ELP1: variants seen among roughly 807,000 people sequenced by gnomAD.
ELP1 encodes the protein elongator complex protein 1.
In ELP1, 131 loss-of-function variants were observed where a neutral mutation model predicts 183.2. The observed-to-expected ratio is 0.72, with a 90% confidence interval of 0.62 to 0.83. The LOEUF (loss-of-function observed/expected upper bound fraction) is 0.83, where lower values mean the gene tolerates loss of function less well. Ranked by LOEUF, ELP1 falls within the 40% of genes least tolerant of loss-of-function variation. The pLI, the probability that ELP1 is intolerant of heterozygous loss-of-function variation, is 0.00. For missense variants in ELP1, 1,550 were observed against 1,594.9 expected (o/e 0.97, Z 0.48); for synonymous variants, 555 against 569.0 (o/e 0.98, Z 0.35).
At chr9:108,900,824 CCA>C (rs1158252539) in intron 18 of ELP1, among the ~76,000 whole-genome samples, 16 of 104,316 alleles carry the variant, frequency 1.5e-4, no homozygotes, top group Middle Eastern at 6.4e-3. Flanking sequence ...CACATACACG[CCA>C]CACACACATA....
intron 10 of ELP1, among the ~76,000 whole-genome samples, chr9:108,913,752 T>C (rs1406826319): frequency 6.6e-6 from 1 of 152,100 alleles, no homozygotes; most frequent in Non-Finnish European, 1.5e-5. Flanking sequence ...GTTCAAGCGA[T>C]TCCCTTGTCT....
At chr9:108,909,742 CT>C (rs371353295) in intron 12 of ELP1, among the ~76,000 whole-genome samples, 13 of 152,316 alleles carry the variant, frequency 8.5e-5, no homozygotes, top group African/African-American at 2.6e-4. Context: ...CCAGGTGCCC[CT>C]GACCTATGGC....
rs184051533 is a variant in ELP1, at chr9:108,890,596, C to T, written c.3160+607G>A. ...GTACTAGAGCCCCTGGTACCAGCCT[C>T]GCCTCTGGTTCGGGCAACCCTTGTC... On this transcript the variant is annotated intron_variant, in intron 28 of 36. Transcript: ENST00000374647. 1.5e-3 allele frequency among the ~76,000 whole-genome samples: 230 copies of T among 152,308 alleles called. 4 individuals carry two copies. The highest frequency in any genetic ancestry group is 3.1e-4 in the Non-Finnish European group (21 of 68,032).
chr9:108,898,502 T>G lies in ELP1; in HGVS notation c.2363A>C (p.Lys788Thr). ...NHINLFFTEL[K>T]EEDVTKTMYP... Reference sequence around the variant, plus strand: ...CACATGAATTATTCAAAATACTTACTTCAATTCTGTAAAAAACAAGTTAAT... The same window carrying G: ...CACATGAATTATTCAAAATACTTACGTCAATTCTGTAAAAAACAAGTTAAT... Residue 788 changes from lysine to threonine, a missense_variant and splice_region_variant, in exon 22 of 37, where the codon AAA becomes ACA. Physicochemically the swap from Lys to Thr is moderately conservative, Grantham distance 78. Coordinates refer to ENST00000374647, the MANE Select transcript of ELP1 (RefSeq NM_003640.5). 6.7e-7 allele frequency: 1 copy of G among 1,503,576 alleles called. No homozygotes were observed. The highest frequency in any genetic ancestry group is 9.2e-7 in the Non-Finnish European group (1 of 1,083,802). The allele number at this position is 1,503,576 out of a possible 1,614,324, so 93.1% of individuals were successfully genotyped here.
At chr9:108,877,885 T>C (rs2118933513) in intron 35 of ELP1, 110 bp downstream of exon 35, 10 of 1,081,662 alleles carry the variant, frequency 9.2e-6, no homozygotes, top group Middle Eastern at 2.0e-4. Flanking sequence ...AATTTAACTA[T>C]GGCATCTTAT....
rs760180507 is a variant in ELP1, at chr9:108,911,206, T to C, written c.1190-26A>G. ...CTGCAGTGAAAAAGAAAGAAGAGGA[T>C]TAGACCTAGGGATATTCAATTTGTA... On this transcript the variant is annotated intron_variant, in intron 11 of 36. Transcript: ENST00000374647. The C allele has an allele frequency of 5.6e-6, 9 of 1,609,996 alleles. No homozygotes were observed. The South Asian group carries it at 9.9e-5, about 18-fold the overall frequency.
chr9:108,873,714 G>A (rs1227314553), intron 36 of ELP1, among the ~76,000 whole-genome samples: 2 of 152,118 alleles, frequency 1.3e-5, no homozygotes, highest in Admixed American at 1.3e-4. Flanking sequence ...TCTAATGTAA[G>A]TTCCTAGCAT....
At chr9:108,914,432 G>A (rs1587911588) in intron 10 of ELP1, among the ~76,000 whole-genome samples, 1 of 145,184 alleles carries the variant, frequency 6.9e-6, no homozygotes, top group South Asian at 2.2e-4. Context: ...GGGTTCTACT[G>A]ATTAAAGAGT....
intron 1 of ELP1, among the ~76,000 whole-genome samples, chr9:108,933,627 G>A (rs927527798): frequency 1.1e-4 from 16 of 152,270 alleles, no homozygotes; most frequent in Admixed American, 9.8e-4. Flanking sequence ...TCAAGAGGCT[G>A]GGTTAAGTCC....
intron 15 of ELP1, 24 bp from the exon 16 acceptor site, chr9:108,902,966 C>T: frequency 6.4e-7 from 1 of 1,566,404 alleles, no homozygotes. Context: ...AGATCTAGTT[C>T]ACAAATAGCT....
chr9:108,922,305 A>G (rs1829673565), intron 6 of ELP1, among the ~76,000 whole-genome samples: 1 of 152,214 alleles, frequency 6.6e-6, no homozygotes, highest in Non-Finnish European at 1.5e-5. Context: ...TTGTGTCCAC[A>G]CACCTCTGCC....
intron 11 of ELP1, among the ~76,000 whole-genome samples, chr9:108,911,535 AC>A (rs542367922): frequency 5.8e-4 from 89 of 152,292 alleles, no homozygotes; most frequent in African/African-American, 2.1e-3. Flanking sequence ...TCCTTAAAGC[AC>A]TTTCCTATGT....
At position 108,927,396 on chromosome 9, in the gene ELP1, G is replaced by A. The variant is rs1829854608; in HGVS notation, c.361C>T (p.Gln121Ter). The part of the protein sequence containing the change: ...GISVMSWSPD[Q>*]ELVLLATGQQ... ...CCTGTGGCAAGAAGCACCAGCTCTT[G>A]GTCAGGACTCCAACTCATAACAGAG... is the stretch of plus-strand genomic sequence containing the variant. Residue 121 changes from glutamine (Q) to a stop codon, truncating the protein, a stop_gained, in exon 4 of 37, where the codon CAA (glutamine) becomes TAA (stop). Coordinates refer to ENST00000374647, the MANE Select transcript of ELP1 (RefSeq NM_003640.5). LOFTEE classifies it high-confidence loss of function. 6.2e-7 allele frequency: 1 copy of A among 1,613,664 alleles called. No individual in the cohort carries two copies.
intron 6 of ELP1, among the ~76,000 whole-genome samples, chr9:108,921,458 A>G (rs1452788091): frequency 6.6e-6 from 1 of 152,228 alleles, no homozygotes; most frequent in African/African-American, 2.4e-5. Context: ...TTAAATCGAA[A>G]AGATATGGTC....
Position 108,881,338 on chromosome 9 carries a change from C to T in ELP1, c.3346+367G>A, listed in dbSNP as rs141846771. Among the ~76,000 whole-genome samples, 210 of 152,220 alleles carry T rather than the reference C, an allele frequency of 1.4e-3. 1 individual carries two copies. Among genetic ancestry groups the T allele is most frequent in the African/African-American group, 4.9e-3 (204 of 41,524 alleles). On this transcript the variant is annotated intron_variant, in intron 31 of 36. Coordinates refer to ENST00000374647, the MANE Select transcript of ELP1 (RefSeq NM_003640.5). ...GATCCTTCATTCCTAAATATTTCAG[C>T]ATTTATCTCTTGAGAATAATAGGAT...
intron 11 of ELP1, 141 bp from the exon 12 acceptor site, chr9:108,911,321 T>C: frequency 2.3e-6 from 2 of 856,498 alleles, no homozygotes; most frequent in Middle Eastern, 2.9e-4. Context: ...GGAACAAGTC[T>C]AAAAACAGTG....
chr9:108,921,919 T>C (rs1829662968), intron 6 of ELP1, among the ~76,000 whole-genome samples: 1 of 152,246 alleles, frequency 6.6e-6, no homozygotes, highest in African/African-American at 2.4e-5. Context: ...AGCTGTTTTA[T>C]ATATGCTATT....
In ELP1 at chr9:108,891,304, G is replaced by A. The variant is rs1828323093; in HGVS notation, c.3059C>T (p.Ser1020Leu). The A allele has an allele frequency of 1.2e-6, 2 of 1,614,146 alleles. No individual in the cohort carries two copies. The highest frequency in any genetic ancestry group is 2.2e-5 in the East Asian group (1 of 44,884). The change falls in exon 28 of 37, where the codon TCA (serine) becomes TTA (leucine). Residue 1020 changes from serine to leucine, a missense_variant. Ser to Leu is a moderately radical substitution (Grantham distance 145). Coordinates refer to ENST00000374647, the MANE Select transcript of ELP1 (RefSeq NM_003640.5). Reference sequence around the variant, plus strand: ...CCAGTTGCCACATGTCAGAAAGGCTGAGAGAGCTTTCTCGTGGGCACCGCA... The same window carrying A: ...CCAGTTGCCACATGTCAGAAAGGCTAAGAGAGCTTTCTCGTGGGCACCGCA... ...ARCGAHEKALSAFLTCGNWKQ... is the reference protein window; with the variant it reads ...ARCGAHEKALLAFLTCGNWKQ...
intron 1 of ELP1, among the ~76,000 whole-genome samples, chr9:108,932,753 C>A (rs551753138): frequency 6.6e-6 from 1 of 152,306 alleles, no homozygotes; most frequent in Non-Finnish European, 1.5e-5. Context: ...CCCTCCACTT[C>A]TTTCCAGGCT....
Sources: allele counts gnomAD v4.1 joint callset (sites outside exome capture counted in the v4.1 genomes callset), GRCh38; gene constraint gnomAD v4.1.1; transcripts MANE v1.5; gene names NCBI Gene and HGNC (gene_info 2026-07-23, HGNC 2026-07-21).